PEX5L: variants seen among roughly 807,000 people sequenced by gnomAD.
The protein encoded by PEX5L is PEX5-related protein.
In PEX5L, 30 loss-of-function variants were observed where a neutral mutation model predicts 84.0. The observed-to-expected ratio is 0.36, with a 90% CI of 0.27 to 0.48. The LOEUF (loss-of-function observed/expected upper bound fraction) is 0.48. Ranked by LOEUF, PEX5L falls within the 20% of genes least tolerant of loss-of-function variation. The pLI is 0.99. For missense variants in PEX5L, 533 were observed against 754.6 expected (o/e 0.71, Z 3.44); for synonymous variants, 270 against 283.1 (o/e 0.95, Z 0.46).
intron 8 of PEX5L, among the ~76,000 whole-genome samples, chr3:179,834,393 C>T (rs1734227806): frequency 6.6e-6 from 1 of 152,174 alleles, no homozygotes; most frequent in Non-Finnish European, 1.5e-5. Context: ...CTGAGGGACC[C>T]ACAGAAGCAG....
intron 8 of PEX5L, among the ~76,000 whole-genome samples, chr3:179,834,882 T>A (rs1734392745): frequency 6.6e-6 from 1 of 152,198 alleles, no homozygotes. Flanking sequence ...TCTTTGCAGA[T>A]GTAATCAAGT....
intron 8 of PEX5L, among the ~76,000 whole-genome samples, chr3:179,844,015 A>G (rs1738294236): frequency 1.3e-5 from 2 of 152,360 alleles, no homozygotes; most frequent in Admixed American, 6.5e-5. Context: ...TTGTACACCC[A>G]TATTCAGGTC....
At chr3:179,900,902 C>T (rs569270659) in intron 2 of PEX5L, among the ~76,000 whole-genome samples, 192 of 152,298 alleles carry the variant, frequency 1.3e-3, no homozygotes, top group African/African-American at 4.2e-3. Flanking sequence ...TCCATGGTAC[C>T]AGATACAGTG....
intron 2 of PEX5L, among the ~76,000 whole-genome samples, chr3:179,916,958 C>G (rs1767375559): frequency 6.6e-6 from 1 of 151,832 alleles, no homozygotes. Flanking sequence ...GAGTGAACCA[C>G]CATGCCCGAC....
At chr3:179,831,902 A>T (rs904151860) in intron 8 of PEX5L, among the ~76,000 whole-genome samples, 8 of 152,222 alleles carry the variant, frequency 5.3e-5, no homozygotes, top group African/African-American at 1.9e-4. Flanking sequence ...GATATAGAAT[A>T]TTCAAGATCA....
chr3:179,997,090 C>T (rs9822666), intron 1 of PEX5L, among the ~76,000 whole-genome samples: 4 of 152,120 alleles, frequency 2.6e-5, no homozygotes, highest in Non-Finnish European at 5.9e-5. Flanking sequence ...GGCTGGGTCC[C>T]CCTGAGGAAG....
intron 1 of PEX5L, among the ~76,000 whole-genome samples, chr3:180,016,365 A>C (rs542909192): frequency 6.6e-6 from 1 of 152,172 alleles, no homozygotes; most frequent in Admixed American, 6.5e-5. Flanking sequence ...CTATCTCTCT[A>C]TATATGTGAA....
At chr3:179,809,881 T>C (rs776118947) in intron 11 of PEX5L, among the ~76,000 whole-genome samples, 1 of 152,012 alleles carries the variant, frequency 6.6e-6, no homozygotes, top group Non-Finnish European at 1.5e-5. Context: ...TAATGATTGC[T>C]AGGTTTGGTA....
At position 179,819,815 on chromosome 3, in the gene PEX5L, A is replaced by T. The variant is rs766209361; in HGVS notation, c.939+45T>A. On this transcript the variant is annotated intron_variant, in intron 9 of 14. Coordinates refer to ENST00000467460, the MANE Select transcript of PEX5L (RefSeq NM_016559.3). ...CTAATCTATAAAATATGATCCAAAA[A>T]GGTGGAGAAAAGTAGTCAGCATGTA... 5.2e-6 allele frequency: 8 copies of T among 1,533,618 alleles called. No homozygotes were observed. The South Asian group carries it at 9.1e-5, about 17-fold the overall frequency.
chr3:179,861,490 G>A (rs550430905), intron 7 of PEX5L, among the ~76,000 whole-genome samples: 3 of 152,370 alleles, frequency 2.0e-5, no homozygotes, highest in African/African-American at 4.8e-5. Context: ...CAGCACAGGG[G>A]TGAGGCGCCT....
intron 2 of PEX5L, chr3:179,900,550 A>G: frequency 1.5e-6 from 1 of 689,196 alleles, no homozygotes; most frequent in South Asian, 1.8e-5. Context: ...TAAAACAAAA[A>G]CAAAAACAAA....
intron 1 of PEX5L, among the ~76,000 whole-genome samples, chr3:179,984,277 C>A (rs1299718999): frequency 6.6e-6 from 1 of 152,090 alleles, no homozygotes; most frequent in Middle Eastern, 3.4e-3. Flanking sequence ...ATATGATAGT[C>A]TAATTTTCTT....
chr3:179,963,295 T>C lies in PEX5L; in HGVS notation c.93+8299A>G, dbSNP rs567305779. Reference sequence around the variant, plus strand: ...GACAGTAAACACAGTCCTGCATAGGTAGAAACATCAGCAATGCCTCCTGCT... The same window carrying C: ...GACAGTAAACACAGTCCTGCATAGGCAGAAACATCAGCAATGCCTCCTGCT... On this transcript the variant is annotated intron_variant, in intron 2 of 14. Transcript: ENST00000467460. Among the ~76,000 whole-genome samples, 3 of 152,298 alleles carry C rather than the reference T, an allele frequency of 2.0e-5. No homozygotes were observed. The East Asian group carries it at 5.8e-4, about 29-fold the overall frequency.
At chr3:179,914,477 G>A (rs1766312188) in intron 2 of PEX5L, among the ~76,000 whole-genome samples, 1 of 151,776 alleles carries the variant, frequency 6.6e-6, no homozygotes, top group Non-Finnish European at 1.5e-5. Flanking sequence ...TTTTTTAATG[G>A]AGGTCTACAC....
intron 2 of PEX5L, among the ~76,000 whole-genome samples, chr3:179,918,749 CT>C (rs1398039335): frequency 2.6e-5 from 4 of 152,124 alleles, no homozygotes; most frequent in African/African-American, 9.7e-5. Context: ...CTTCTTTCTT[CT>C]TTTTTTCTTC....
intron 1 of PEX5L, among the ~76,000 whole-genome samples, chr3:179,975,114 A>C (rs1785603528): frequency 6.6e-6 from 1 of 152,104 alleles, no homozygotes; most frequent in South Asian, 2.1e-4. Context: ...GCTTGAGTGC[A>C]AGAGTTTGAG....
chr3:180,017,388 C>A (rs549056920), intron 1 of PEX5L, among the ~76,000 whole-genome samples: 25 of 152,302 alleles, frequency 1.6e-4, no homozygotes, highest in African/African-American at 6.0e-4. Context: ...AAGTTTCTCT[C>A]TCTTATACAT....
intron 1 of PEX5L, among the ~76,000 whole-genome samples, chr3:179,998,875 T>G (rs1434476634): frequency 9.2e-5 from 14 of 152,194 alleles, no homozygotes; most frequent in Admixed American, 9.2e-4. Context: ...GGGAGTTCCC[T>G]ATGGTCAGTT....
intron 8 of PEX5L, among the ~76,000 whole-genome samples, chr3:179,848,658 T>G (rs370293986): frequency 3.3e-5 from 5 of 152,216 alleles, no homozygotes; most frequent in African/African-American, 9.6e-5. Flanking sequence ...GTTTCTAATA[T>G]TCCCACAACT....
Sources: gnomAD v4.1 joint callset for allele counts (sites outside exome capture counted in the v4.1 genomes callset) on GRCh38, gnomAD v4.1.1 for gene constraint, MANE v1.5 for transcripts, NCBI Gene and HGNC (gene_info 2026-07-23, HGNC 2026-07-21) for gene names.